The following LEKR1 variants were observed in gnomAD, a reference collection of about 807,000 sequenced individuals.
LEKR1 encodes the protein leucine, glutamate and lysine rich 1, also known as protein LEKR1.
A neutral mutation model predicts 72.4 loss-of-function variants in LEKR1; 59 were observed. That is an observed-to-expected ratio of 0.82 (90% CI 0.66 to 1.01). LEKR1 has a LOEUF of 1.01. Ranked by LOEUF, LEKR1 falls within the 50% of genes least tolerant of loss-of-function variation. The pLI is 0.00. For synonymous variants in LEKR1, 257 were observed against 263.2 expected (o/e 0.98, Z 0.23); for missense variants, 728 against 759.2 (o/e 0.96, Z 0.48).
chr3:156,854,031 C>A (rs1159328001), intron 3 of LEKR1, among the ~76,000 whole-genome samples: 2 of 151,736 alleles, frequency 1.3e-5, no homozygotes, highest in African/African-American at 4.8e-5. Context: ...AGTCTTTGTA[C>A]CCTGCTGATT....
chr3:156,979,076 T>C (rs1385938326), intron 6 of LEKR1, 118 bp from the exon 7 acceptor site: 1 of 416,514 alleles, frequency 2.4e-6, no homozygotes, highest in Admixed American at 3.0e-5. Flanking sequence ...CAAAGTGGAA[T>C]AAGCAGCTGC....
At chr3:156,993,363 T>C (rs1336123926) in intron 9 of LEKR1, 86 bp downstream of exon 9, 6 of 815,112 alleles carry the variant, frequency 7.4e-6, no homozygotes, top group African/African-American at 1.7e-5. Flanking sequence ...GTCTGACATA[T>C]TATAACAATA....
intron 4 of LEKR1, among the ~76,000 whole-genome samples, chr3:156,925,938 T>C (rs1239980983): frequency 6.6e-6 from 1 of 152,054 alleles, no homozygotes; most frequent in Non-Finnish European, 1.5e-5. Context: ...TGGATGTATA[T>C]AATTTTTAAA....
At chr3:156,935,587 T>G (rs1053487631) in intron 5 of LEKR1, among the ~76,000 whole-genome samples, 14 of 152,172 alleles carry the variant, frequency 9.2e-5, no homozygotes, top group African/African-American at 1.4e-4. Flanking sequence ...TATCTTAAAT[T>G]TAAGTATAGA....
At chr3:156,969,221 A>G (rs1375929922) in intron 6 of LEKR1, among the ~76,000 whole-genome samples, 1 of 152,220 alleles carries the variant, frequency 6.6e-6, no homozygotes, top group Non-Finnish European at 1.5e-5. Context: ...AAAGAACTAG[A>G]GAAGCAAGAG....
intron 12 of LEKR1, among the ~76,000 whole-genome samples, chr3:157,044,504 AG>A (rs1735604943): frequency 6.6e-6 from 1 of 152,224 alleles, no homozygotes; most frequent in Non-Finnish European, 1.5e-5. Flanking sequence ...CTGTCAAGTG[AG>A]ATTCAACCCT....
intron 3 of LEKR1, among the ~76,000 whole-genome samples, chr3:156,893,801 A>G (rs992298999): frequency 2.6e-5 from 4 of 152,314 alleles, no homozygotes; most frequent in East Asian, 3.9e-4. Flanking sequence ...AGCATAATAT[A>G]GCATCTCCAG....
intron 6 of LEKR1, among the ~76,000 whole-genome samples, chr3:156,943,280 C>G (rs1264658712): frequency 3.9e-5 from 6 of 152,004 alleles, no homozygotes; most frequent in Non-Finnish European, 7.4e-5. Context: ...AGAGGTGTTT[C>G]AAACATCAAG....
At chr3:156,945,847 C>CAA (rs1420967197) in intron 6 of LEKR1, among the ~76,000 whole-genome samples, 1 of 151,646 alleles carries the variant, frequency 6.6e-6, no homozygotes, top group Admixed American at 6.6e-5. Context: ...GTTTTGTTTA[C>CAA]TATAGCTCTG....
chr3:157,018,483 C>G (rs1172352972), intron 10 of LEKR1, among the ~76,000 whole-genome samples: 1 of 152,100 alleles, frequency 6.6e-6, no homozygotes, highest in Non-Finnish European at 1.5e-5. Flanking sequence ...TTTTCTCTGA[C>G]CACAATGAAA....
At chr3:156,925,978 A>G (rs970683553) in intron 4 of LEKR1, among the ~76,000 whole-genome samples, 1 of 152,048 alleles carries the variant, frequency 6.6e-6, no homozygotes, top group African/African-American at 2.4e-5. Flanking sequence ...TTATAAGCAA[A>G]TTAGGCAATA....
chr3:156,977,553 C>G, intron 6 of LEKR1: 1 of 345,256 alleles, frequency 2.9e-6, no homozygotes, highest in Non-Finnish European at 5.7e-6. Context: ...GTGGATAACT[C>G]AAAGGAAGCA....
chr3:156,974,456 G>T (rs1014840142), intron 6 of LEKR1, among the ~76,000 whole-genome samples: 1 of 151,990 alleles, frequency 6.6e-6, no homozygotes. Context: ...TATTAAAAAC[G>T]AAACAAAACT....
intron 10 of LEKR1, among the ~76,000 whole-genome samples, chr3:157,021,013 A>G (rs1733792939): frequency 1.3e-5 from 2 of 151,662 alleles, no homozygotes. Context: ...TTTGATTTGC[A>G]TTTCTCTGAT....
intron 2 of LEKR1, among the ~76,000 whole-genome samples, chr3:156,835,875 T>C (rs1713066283): frequency 7.9e-6 from 1 of 126,904 alleles, no homozygotes; most frequent in African/African-American, 2.9e-5. Context: ...TTTTTTTTTT[T>C]TTTTTTTTTT....
At position 156,852,779 on chromosome 3, in the gene LEKR1, AG is replaced by A; in HGVS notation, c.61del (p.Glu21LysfsTer12). On this transcript the variant is annotated frameshift_variant, in exon 3 of 13. Transcript: ENST00000356539. LOFTEE classifies it high-confidence loss of function. ...PEEIQKMLPE[E>X]KVCKYCGVSY... Reference sequence around the variant, plus strand: ...GTTCTGTTTCCTAGATGTTGCCTGAAGAAAAAGTTTGTAAGTACTGTGGAGT... The same window carrying A: ...GTTCTGTTTCCTAGATGTTGCCTGAAAAAAAGTTTGTAAGTACTGTGGAGT... 6.6e-7 allele frequency: 1 copy of A among 1,517,342 alleles called. No individual in the cohort carries two copies. The highest frequency in any genetic ancestry group is 8.8e-7 in the Non-Finnish European group (1 of 1,137,964). The allele number at this position is 1,517,342 out of a possible 1,614,324, so 94.0% of individuals were successfully genotyped here.
chr3:157,043,531 C>G (rs1458386181), intron 12 of LEKR1, among the ~76,000 whole-genome samples: 1 of 151,792 alleles, frequency 6.6e-6, no homozygotes, highest in African/African-American at 2.4e-5. Flanking sequence ...CTAATTTAGG[C>G]ATAGGCAGCA....
intron 2 of LEKR1, among the ~76,000 whole-genome samples, chr3:156,848,813 T>C (rs1479060568): frequency 6.6e-6 from 1 of 152,158 alleles, no homozygotes; most frequent in East Asian, 1.9e-4. Flanking sequence ...AGCTTAGAAT[T>C]TCCTGGATAC....
chr3:157,029,919 A>G (rs1734480936), intron 12 of LEKR1, among the ~76,000 whole-genome samples: 1 of 152,184 alleles, frequency 6.6e-6, no homozygotes, highest in Non-Finnish European at 1.5e-5. Context: ...CAAACAGAAA[A>G]AGACGGAAGG....
Sources: allele counts gnomAD v4.1 joint callset (sites outside exome capture counted in the v4.1 genomes callset), GRCh38; gene constraint gnomAD v4.1.1; transcripts MANE v1.5; gene names NCBI Gene and HGNC (gene_info 2026-07-23, HGNC 2026-07-21).